Variants in NID1 observed in about 807,000 individuals in gnomAD.
The protein encoded by NID1 is nidogen-1.
A neutral mutation model predicts 130.6 loss-of-function variants in NID1; 76 were observed. The observed-to-expected ratio is 0.58, with a 90% CI of 0.48 to 0.70. NID1 has a LOEUF of 0.70. NID1 is among the 30% of genes least tolerant of loss of function. The pLI is 0.00. For synonymous variants in NID1, 665 were observed against 675.1 expected (o/e 0.98, Z 0.23); for missense variants, 1,517 against 1,664.8 (o/e 0.91, Z 1.54).
intron 13 of NID1, among the ~76,000 whole-genome samples, chr1:235,993,243 C>T (rs1657810642): frequency 6.6e-6 from 1 of 152,216 alleles, no homozygotes; most frequent in Admixed American, 6.5e-5. Flanking sequence ...AGGTTGGTCC[C>T]CACCATCCCT....
chr1:236,025,310 G>A (rs1476912061), intron 8 of NID1, among the ~76,000 whole-genome samples: 2 of 148,468 alleles, frequency 1.3e-5, no homozygotes, highest in African/African-American at 5.1e-5. Flanking sequence ...CGCCCAGGCT[G>A]GAGTGCAGTG....
Position 235,979,804 on chromosome 1 carries a change from T to G in NID1, c.3509+18A>C. 1 of 1,612,344 alleles carries G rather than the reference T, an allele frequency of 6.2e-7. No individual in the cohort carries two copies. On this transcript the variant is annotated intron_variant, in intron 18 of 19. Coordinates refer to ENST00000264187, the MANE Select transcript of NID1 (RefSeq NM_002508.3). This position sits in a 1 kb window ranked among gnomAD's most constrained non-coding sequence, Gnocchi z 4.6. ...GAGGGGCAGGCCCACGCAGCCCCCA[T>G]GGCTACAGCTGACGTACATCTTCCA...
At position 236,048,965 on chromosome 1, in the gene NID1, T is replaced by C. The variant is rs752972379; in HGVS notation, c.250A>G (p.Thr84Ala). ...GATTCTTTGGCCGGGGGTTCACTCG[T>C]AGCAATGATGCCATTTGTGGTGACC... Reference protein sequence around the residue: ...VYVTTNGIIATSEPPAKESHP... With the variant: ...VYVTTNGIIAASEPPAKESHP... Residue 84 changes from threonine to alanine, a missense_variant, in exon 2 of 20, where the codon ACG becomes GCG. By Grantham distance (58) the Thr-to-Ala change is moderately conservative (BLOSUM62 0). Coordinates refer to ENST00000264187, the MANE Select transcript of NID1 (RefSeq NM_002508.3). 6.2e-7 allele frequency: 1 copy of C among 1,613,986 alleles called. No homozygotes were observed. Among genetic ancestry groups the C allele is most frequent in the South Asian group, 1.1e-5 (1 of 91,058 alleles).
chr1:235,983,735 G>A (rs748345000), intron 15 of NID1, among the ~76,000 whole-genome samples: 9 of 152,276 alleles, frequency 5.9e-5, no homozygotes, highest in East Asian at 1.9e-4. Context: ...CAAGGGAAAG[G>A]TCTGGATAAT....
rs758268323 is a variant in NID1, at chr1:236,011,973, C to T, written c.2475G>A (p.Thr825=). The change falls in exon 12 of 20, where the codon ACG becomes ACA. Residue 825 remains threonine, a synonymous_variant. Transcript: ENST00000264187. ...AFCYNTPGSF[T]CQCKPGYQGD... ...CCTGATAACCAGGTTTGCACTGGCACGTGAAAGAGCCTGGAGTGTTGTAGC... is the reference window on the plus strand; with the variant it reads ...CCTGATAACCAGGTTTGCACTGGCATGTGAAAGAGCCTGGAGTGTTGTAGC... The T allele has an allele frequency of 4.3e-6, 7 of 1,614,102 alleles. No homozygotes were observed. The highest frequency in any genetic ancestry group is 2.2e-5 in the East Asian group (1 of 44,898).
intron 9 of NID1, among the ~76,000 whole-genome samples, chr1:236,023,290 GA>G (rs35062929): frequency 0.28 from 42,930 of 151,854 alleles, 6,806 homozygotes; most frequent in Non-Finnish European, 0.36. Flanking sequence ...CCTTAAAAAG[GA>G]AAAAAAATTC....
intron 12 of NID1, among the ~76,000 whole-genome samples, chr1:235,999,161 G>C (rs1165533878): frequency 6.6e-6 from 1 of 152,234 alleles, no homozygotes; most frequent in Non-Finnish European, 1.5e-5. Flanking sequence ...TCTGCATGTG[G>C]TGGTGCTTTT....
In NID1 at chr1:236,013,569, C is replaced by T; in HGVS notation, c.2255-9G>A. 6.2e-7 allele frequency: 1 copy of T among 1,614,112 alleles called. No individual in the cohort carries two copies. Among genetic ancestry groups the T allele is most frequent in the Non-Finnish European group, 8.5e-7 (1 of 1,180,014 alleles). ...GCGCTGGTCCACGACAGCTTCAGAA[C>T]AAAAGGTTGATGCACAGTCTTAGGA... On this transcript the variant is annotated splice_polypyrimidine_tract_variant and intron_variant, in intron 10 of 19. Coordinates refer to ENST00000264187, the MANE Select transcript of NID1 (RefSeq NM_002508.3).
intron 9 of NID1, among the ~76,000 whole-genome samples, chr1:236,020,896 G>T (rs1658740483): frequency 6.6e-6 from 1 of 152,150 alleles, no homozygotes; most frequent in South Asian, 2.1e-4. Flanking sequence ...TGTCTTTCTG[G>T]ACAAGGATAT....
intron 9 of NID1, among the ~76,000 whole-genome samples, chr1:236,017,660 A>G (rs918215352): frequency 4.6e-5 from 7 of 152,264 alleles, no homozygotes; most frequent in African/African-American, 1.7e-4. Flanking sequence ...CTGGGATTAC[A>G]GGCGTGAGCC....
intron 11 of NID1, among the ~76,000 whole-genome samples, chr1:236,012,529 G>A (rs558844762): frequency 7.3e-6 from 1 of 136,556 alleles, no homozygotes; most frequent in African/African-American, 2.7e-5. Flanking sequence ...TTGCACTCCA[G>A]CTTGGGCAAC....
intron 1 of NID1, among the ~76,000 whole-genome samples, chr1:236,054,324 C>T (rs1385446237): frequency 6.6e-6 from 1 of 152,110 alleles, no homozygotes; most frequent in Non-Finnish European, 1.5e-5. Flanking sequence ...GGTGAGGTAG[C>T]AGGTGCCTGT....
chr1:236,023,361 T>A (rs1354009883), intron 9 of NID1, among the ~76,000 whole-genome samples: 1 of 152,176 alleles, frequency 6.6e-6, no homozygotes, highest in Non-Finnish European at 1.5e-5. Flanking sequence ...AATAAGCCAA[T>A]CACAGAAGAA....
intron 4 of NID1, among the ~76,000 whole-genome samples, chr1:236,038,652 A>G (rs1659333290): frequency 6.7e-6 from 1 of 149,032 alleles, no homozygotes; most frequent in Non-Finnish European, 1.5e-5. Flanking sequence ...TAAAATATAT[A>G]TTAAAACATA....
intron 14 of NID1, among the ~76,000 whole-genome samples, chr1:235,987,225 G>T (rs907526133): frequency 2.0e-5 from 3 of 152,120 alleles, no homozygotes; most frequent in Admixed American, 2.0e-4. Context: ...TATGTATGAC[G>T]AACTATGGTG....
rs1034896260 is a variant in NID1, at chr1:236,039,405, T to TC, written c.1136-1153dup. ...ATATTCTTTTTAATTTTAAATCACC[T>TC]CCCACCCCACCCCAACATACACTTT... On this transcript the variant is annotated intron_variant, in intron 4 of 19. Transcript: ENST00000264187. Among the ~76,000 whole-genome samples, 8 of 151,140 alleles carry TC rather than the reference T, an allele frequency of 5.3e-5. No homozygotes were observed. In the South Asian group the frequency reaches 6.2e-4, roughly 12 times the overall value.
chr1:235,991,398 T>C (rs1340124671), intron 13 of NID1, among the ~76,000 whole-genome samples: 1 of 151,956 alleles, frequency 6.6e-6, no homozygotes, highest in Admixed American at 6.6e-5. Context: ...AATGGTGCGA[T>C]CTTGGCTCAC....
rs189850633 is a variant in NID1 at position 236,005,099 on chromosome 1, G to A, written c.2527+6822C>T. Reference sequence around the variant, plus strand: ...GAGGCAGGAGAATTGTTTGAACCTGGGTGGTGGAGGTTGCAGTGAGCTGAG... The same window carrying A: ...GAGGCAGGAGAATTGTTTGAACCTGAGTGGTGGAGGTTGCAGTGAGCTGAG... On this transcript the variant is annotated intron_variant, in intron 12 of 19. Transcript: ENST00000264187. 2.5e-3 allele frequency among the ~76,000 whole-genome samples: 375 copies of A among 152,044 alleles called. 1 individual carries two copies. Among genetic ancestry groups the A allele is most frequent in the Middle Eastern group, 6.8e-3 (2 of 294 alleles).
rs138304745 is a variant in NID1 at position 236,047,432 on chromosome 1, C to T, written c.525+1258G>A. On this transcript the variant is annotated intron_variant, in intron 2 of 19. Coordinates refer to ENST00000264187, the MANE Select transcript of NID1 (RefSeq NM_002508.3). ...TTATTTTTCCAAGGGAAAATCGAGG[C>T]CTGTCCTAAAAAGTCACTTCAGGTC... Among the ~76,000 whole-genome samples the T allele has an allele frequency of 4.6e-3, 702 of 152,206 alleles. 6 individuals carry two copies. Among genetic ancestry groups the T allele is most frequent in the African/African-American group, 0.016 (654 of 41,514 alleles).
Sources: allele counts gnomAD v4.1 joint callset (sites outside exome capture counted in the v4.1 genomes callset), GRCh38; gene constraint gnomAD v4.1.1; non-coding constraint Gnocchi (gnomAD v3.1); transcripts MANE v1.5; gene names NCBI Gene and HGNC (gene_info 2026-07-23, HGNC 2026-07-21).